Variants in ULBP3 observed in about 807,000 individuals in gnomAD.
ULBP3 encodes UL16 binding protein 3.
A neutral mutation model predicts 24.9 loss-of-function variants in ULBP3; 25 were observed. The observed-to-expected ratio is 1.00, with a 90% confidence interval of 0.73 to 1.40. The LOEUF is 1.40. ULBP3 is among the 40% of genes most tolerant of loss of function. ULBP3 has a pLI of 0.00. For missense variants in ULBP3, 306 were observed against 307.5 expected (o/e 1.00, Z 0.04); for synonymous variants, 114 against 114.7 (o/e 0.99, Z 0.04).
At position 150,062,840 on chromosome 6, in the gene ULBP3, C is replaced by T. The variant is rs1194179137; in HGVS notation, c.*534G>A. ...ATGGCTGGCCGGGCGCGGTGGCTCACGCCTGTAATCCCAGCACTCTGGGAG... is the reference window on the plus strand; with the variant it reads ...ATGGCTGGCCGGGCGCGGTGGCTCATGCCTGTAATCCCAGCACTCTGGGAG... On this transcript the variant is annotated 3_prime_UTR_variant, in exon 5 of 5. Transcript: ENST00000367339. 2.0e-5 allele frequency among the ~76,000 whole-genome samples: 3 copies of T among 151,906 alleles called. No homozygotes were observed. Among genetic ancestry groups the T allele is most frequent in the South Asian group, 2.1e-4 (1 of 4,814 alleles).
At chr6:150,064,981 C>T (rs962260390) in intron 3 of ULBP3, among the ~76,000 whole-genome samples, 60 of 151,180 alleles carry the variant, frequency 4.0e-4, no homozygotes, top group African/African-American at 1.4e-3. Context: ...GCCCTAGGGC[C>T]GGGACAGGAG....
intron 1 of ULBP3, among the ~76,000 whole-genome samples, chr6:150,066,922 TG>T (rs1250139842): frequency 2.0e-5 from 3 of 151,912 alleles, no homozygotes; most frequent in Non-Finnish European, 4.4e-5. Flanking sequence ...CCAGTAGTAA[TG>T]GGGATGGAAA....
rs147696243 is a variant in ULBP3 at position 150,062,831 on chromosome 6, G to A, written c.*543C>T. The stretch of plus-strand genomic sequence containing the variant: ...TTAAGAAAAATGGCTGGCCGGGCGC[G>A]GTGGCTCACGCCTGTAATCCCAGCA... On this transcript the variant is annotated 3_prime_UTR_variant, in exon 5 of 5. Coordinates refer to ENST00000367339, the MANE Select transcript of ULBP3 (RefSeq NM_024518.3). Among the ~76,000 whole-genome samples the A allele has an allele frequency of 0.017, 2,562 of 152,182 alleles. 79 individuals are homozygous for A. The highest frequency in any genetic ancestry group is 0.057 in the African/African-American group (2,366 of 41,522).
At position 150,063,285 on chromosome 6, in the gene ULBP3, C is replaced by T. The variant is rs568616182; in HGVS notation, c.*89G>A. On this transcript the variant is annotated 3_prime_UTR_variant, in exon 5 of 5. Coordinates refer to ENST00000367339, the MANE Select transcript of ULBP3 (RefSeq NM_024518.3). ...AAAGGCACAGTGGTGAGTAGACAGG[C>T]GGCCTCCCTGAAGGGAGAGCAGGAA... 37 of 908,384 alleles carry T rather than the reference C, an allele frequency of 4.1e-5. No homozygotes were observed. The highest frequency in any genetic ancestry group is 1.8e-4 in the African/African-American group (10 of 55,626). The allele number at this position is 908,384 out of a possible 1,614,324, so 56.3% of individuals were successfully genotyped here.
intron 3 of ULBP3, 50 bp downstream of exon 3, chr6:150,065,348 G>T (rs1302387016): frequency 2.5e-6 from 4 of 1,604,252 alleles, no homozygotes; most frequent in Non-Finnish European, 2.6e-6. Context: ...AGACAAGGGT[G>T]TAACTCGATG....
At chr6:150,066,989 T>G (rs113967556) in intron 1 of ULBP3, among the ~76,000 whole-genome samples, 4 of 151,434 alleles carry the variant, frequency 2.6e-5, no homozygotes, top group African/African-American at 7.3e-5. Context: ...GGAAGGAGGG[T>G]GCAATGATGG....
chr6:150,065,489 C>T lies in ULBP3; in HGVS notation c.537G>A (p.Leu179=), dbSNP rs1464803254. The T allele has an allele frequency of 1.2e-6, 2 of 1,614,162 alleles. No individual in the cohort carries two copies. Among genetic ancestry groups the T allele is most frequent in the Non-Finnish European group, 1.7e-6 (2 of 1,180,024 alleles). ...MKEKWEKDSG[L]TTFFKMVSMR... is the part of the protein sequence containing the mutation. Reference sequence around the variant, plus strand: ...TTGAGACCATCTTGAAGAAGGTGGTCAGTCCGCTATCCTTCTCCCACTTCT... The same window carrying T: ...TTGAGACCATCTTGAAGAAGGTGGTTAGTCCGCTATCCTTCTCCCACTTCT... Residue 179 remains leucine (L), a synonymous_variant, in exon 3 of 5, where the codon CTG becomes CTA. Transcript: ENST00000367339.
In ULBP3 at chr6:150,062,658, C is replaced by T. The variant is rs1031654022; in HGVS notation, c.*716G>A. On this transcript the variant is annotated 3_prime_UTR_variant, in exon 5 of 5. Coordinates refer to ENST00000367339, the MANE Select transcript of ULBP3 (RefSeq NM_024518.3). ...TGCTATTTTACTAGCAATACCGTTT[C>T]GAAGAATAAGGTCATGCTTCAGAGA... Among the ~76,000 whole-genome samples the T allele has an allele frequency of 8.5e-5, 13 of 152,288 alleles. No homozygotes were observed. The highest frequency in any genetic ancestry group is 2.6e-4 in the African/African-American group (11 of 41,554).
chr6:150,065,754 C>T, intron 2 of ULBP3, 81 bp from the exon 3 acceptor site: 3 of 1,586,038 alleles, frequency 1.9e-6, no homozygotes, highest in African/African-American at 2.7e-5. Flanking sequence ...TGAGACCATT[C>T]TCATCTGGTC....
intron 4 of ULBP3, 61 bp from the exon 5 acceptor site, chr6:150,063,412 G>C: frequency 1.1e-6 from 1 of 898,746 alleles, no homozygotes; most frequent in Non-Finnish European, 1.3e-6. Context: ...TGTTCTCCTG[G>C]GTGATCCTTC....
chr6:150,065,376 C>T (rs1776329949), intron 3 of ULBP3, 22 bp downstream of exon 3: 11 of 1,612,016 alleles, frequency 6.8e-6, no homozygotes, highest in Non-Finnish European at 8.5e-6. Context: ...CAACATGCTC[C>T]CAGTGCTCCC....
At chr6:150,065,868 C>T (rs776325672) in intron 2 of ULBP3, 31 bp downstream of exon 2, 9 of 1,612,608 alleles carry the variant, frequency 5.6e-6, no homozygotes, top group Non-Finnish European at 6.8e-6. Flanking sequence ...CCACAGTCTG[C>T]TCCCTTCTGT....
chr6:150,068,143 C>A (rs535159282), intron 1 of ULBP3, among the ~76,000 whole-genome samples: 7 of 152,156 alleles, frequency 4.6e-5, no homozygotes, highest in African/African-American at 1.7e-4. Context: ...CATGGCTACA[C>A]CCCCCCACCC....
intron 1 of ULBP3, among the ~76,000 whole-genome samples, chr6:150,067,320 T>C (rs541428762): frequency 1.3e-5 from 2 of 152,326 alleles, no homozygotes; most frequent in African/African-American, 4.8e-5. Context: ...CAATGACTCC[T>C]TCAGCCTCCC....
At chr6:150,068,639 G>T (rs1375298726) in intron 1 of ULBP3, among the ~76,000 whole-genome samples, 1 of 152,212 alleles carries the variant, frequency 6.6e-6, no homozygotes, top group Non-Finnish European at 1.5e-5. Context: ...CCCCAGCTCG[G>T]GTTCCGGGGG....
chr6:150,062,070 GT>G lies in ULBP3; in HGVS notation c.*1303del, dbSNP rs925077360. Among the ~76,000 whole-genome samples, 1 of 152,134 alleles carries G rather than the reference GT, an allele frequency of 6.6e-6. No individual in the cohort carries two copies. Among genetic ancestry groups the G allele is most frequent in the South Asian group, 2.1e-4 (1 of 4,812 alleles). ...ATGTCTTTGCACATTTTTTAATTGGGTTTTTTTTTCTTGCTTGTCTAATTGT... is the reference window on the plus strand; with the variant it reads ...ATGTCTTTGCACATTTTTTAATTGGGTTTTTTTTCTTGCTTGTCTAATTGT... On this transcript the variant is annotated 3_prime_UTR_variant, in exon 5 of 5. Transcript: ENST00000367339.
At position 150,061,339 on chromosome 6, in the gene ULBP3, G is replaced by A. The variant is rs1776272059; in HGVS notation, c.*2035C>T. Reference sequence around the variant, plus strand: ...ACATGGGTAGATTTTGGAAGGCTGAGGCTTGGTGTCCCAATGATCTCATCA... The same window carrying A: ...ACATGGGTAGATTTTGGAAGGCTGAAGCTTGGTGTCCCAATGATCTCATCA... On this transcript the variant is annotated 3_prime_UTR_variant, in exon 5 of 5. Transcript: ENST00000367339. Among the ~76,000 whole-genome samples the A allele has an allele frequency of 6.6e-6, 1 of 152,286 alleles. No homozygotes were observed. The highest frequency in any genetic ancestry group is 2.1e-4 in the South Asian group (1 of 4,818).
Position 150,062,277 on chromosome 6 carries a change from T to C in ULBP3, c.*1097A>G, listed in dbSNP as rs570290965. The stretch of plus-strand genomic sequence containing the variant: ...GTTTTTGTTACAATTGTTTTTAGTG[T>C]CTTCTTCATGAAATCTTTGCCAGGC... On this transcript the variant is annotated 3_prime_UTR_variant, in exon 5 of 5. Coordinates refer to ENST00000367339, the MANE Select transcript of ULBP3 (RefSeq NM_024518.3). Among the ~76,000 whole-genome samples, 4 of 152,356 alleles carry C rather than the reference T, an allele frequency of 2.6e-5. No individual in the cohort carries two copies. The highest frequency in any genetic ancestry group is 4.4e-5 in the Non-Finnish European group (3 of 68,040).
Position 150,065,585 on chromosome 6 carries a change from C to T in ULBP3, c.441G>A (p.Arg147=). The T allele has an allele frequency of 6.2e-7, 1 of 1,614,214 alleles. No homozygotes were observed. The highest frequency in any genetic ancestry group is 1.1e-5 in the South Asian group (1 of 91,078). The change falls in exon 3 of 5, where the codon CGG becomes CGA. Residue 147 remains arginine, a synonymous_variant. Transcript: ENST00000367339. The part of the protein sequence containing the change: ...RGSWQFSFDG[R]KFLLFDSNNR... ...TGTTTGAGTCAAAGAGGAGGAACTT[C>T]CGTCCATCGAAGCTGAACTGCCAAG... is the stretch of plus-strand genomic sequence containing the variant.
Sources: allele counts gnomAD v4.1 joint callset (sites outside exome capture counted in the v4.1 genomes callset), GRCh38; gene constraint gnomAD v4.1.1; transcripts MANE v1.5; gene names NCBI Gene and HGNC (gene_info 2026-07-23, HGNC 2026-07-21).